The following NASP variants were observed in gnomAD, a reference collection of about 807,000 sequenced individuals.
NASP encodes the protein NASP histone chaperone.
A neutral mutation model predicts 89.5 loss-of-function variants in NASP; 24 were observed. The ratio of observed to expected loss-of-function variants is 0.27; its 90% CI spans 0.19 to 0.38. The LOEUF is 0.38. Among genes scored for constraint, NASP ranks in the 10% least tolerant of loss-of-function variants. The probability of loss-of-function intolerance (pLI) is 1.00; values close to 1 mark genes in which losing one functional copy is unlikely to be tolerated. For missense variants in NASP, 848 were observed against 921.4 expected, an observed-to-expected ratio of 0.92 and a Z score of 1.03; for synonymous variants, 306 against 324.7, an observed-to-expected ratio of 0.94 and a Z score of 0.62.
At position 45,602,265 on chromosome 1, in the gene NASP, G is replaced by A. The variant is rs1413038142; in HGVS notation, c.118G>A (p.Asp40Asn). 1 of 1,613,310 alleles carries A rather than the reference G, an allele frequency of 6.2e-7. No homozygotes were observed. Among genetic ancestry groups the A allele is most frequent in the South Asian group, 1.1e-5 (1 of 91,064 alleles). ...SADKVESLDVDSEAKKLLGLG... is the reference protein window; with the variant it reads ...SADKVESLDVNSEAKKLLGLG... ...ATCTTTTTTTTGCAGTCTGGATGTG[G>A]ATAGTGAAGCTAAGAAACTATTGGG... is the stretch of plus-strand genomic sequence containing the variant. Residue 40 changes from aspartate (D) to asparagine (N), a missense_variant, in exon 3 of 15, where the codon GAT (aspartate) becomes AAT (asparagine). By Grantham distance (23) the Asp-to-Asn change is conservative. Around this residue, in one of 5 missense-constraint regions of NASP, gnomAD observed 89 missense variants for 79.2 expected, o/e 1.12. Transcript: ENST00000350030.
intron 2 of NASP, among the ~76,000 whole-genome samples, chr1:45,595,709 C>T (rs970064840): frequency 6.6e-6 from 1 of 152,202 alleles, no homozygotes; most frequent in Non-Finnish European, 1.5e-5. Context: ...ACAAATAGTA[C>T]TAGCAATTCT....
At chr1:45,584,549 C>T (rs754914263) in intron 1 of NASP, among the ~76,000 whole-genome samples, 5 of 152,208 alleles carry the variant, frequency 3.3e-5, no homozygotes, top group Non-Finnish European at 4.4e-5. Context: ...TTGGCCTTCA[C>T]GCCCCTTCTG....
Position 45,614,381 on chromosome 1 carries a change from A to G in NASP, c.1666+15A>G, listed in dbSNP as rs908816485. 6.3e-7 allele frequency: 1 copy of G among 1,582,000 alleles called. No individual in the cohort carries two copies. Among genetic ancestry groups the G allele is most frequent in the Non-Finnish European group, 8.7e-7 (1 of 1,150,730 alleles). On this transcript the variant is annotated intron_variant, in intron 9 of 14. Coordinates refer to ENST00000350030, the MANE Select transcript of NASP (RefSeq NM_002482.4). ...TGTTGAATCTGGTAATGCATTTTCC[A>G]TTTTATACTCTCCTACTCTCTTCAG...
chr1:45,593,997 C>T (rs1308264424), intron 2 of NASP, among the ~76,000 whole-genome samples: 1 of 151,204 alleles, frequency 6.6e-6, no homozygotes, highest in African/African-American at 2.4e-5. Flanking sequence ...CCACTGCACT[C>T]TAGTCTGGGT....
At chr1:45,599,637 C>G in intron 2 of NASP, among the ~76,000 whole-genome samples, 1 of 150,650 alleles carries the variant, frequency 6.6e-6, no homozygotes, top group Admixed American at 6.6e-5. Context: ...CCATCTTGGC[C>G]AGGCTGGTTT....
chr1:45,609,683 T>G (rs1186788927), intron 6 of NASP: 1 of 152,194 alleles, frequency 6.6e-6, no homozygotes, highest in African/African-American at 2.4e-5. Flanking sequence ...ATAATTAACA[T>G]TGTTAGAACT....
At chr1:45,595,475 C>G (rs566553419) in intron 2 of NASP, among the ~76,000 whole-genome samples, 3 of 152,182 alleles carry the variant, frequency 2.0e-5, no homozygotes, top group South Asian at 4.2e-4. Flanking sequence ...AAATCTGTGC[C>G]CATATAGTCT....
intron 2 of NASP, among the ~76,000 whole-genome samples, chr1:45,598,442 G>C (rs527449182): frequency 6.6e-6 from 1 of 152,006 alleles, no homozygotes; most frequent in Admixed American, 6.6e-5. Flanking sequence ...TCCTTCACTG[G>C]CTATTCCCCT....
intron 1 of NASP, among the ~76,000 whole-genome samples, chr1:45,590,465 C>T (rs1402211825): frequency 6.7e-6 from 1 of 148,744 alleles, no homozygotes; most frequent in African/African-American, 2.5e-5. Context: ...AGGAGAATGG[C>T]GTGAACCCGG....
At chr1:45,613,851 T>A (rs1000133554) in intron 7 of NASP, among the ~76,000 whole-genome samples, 3 of 152,006 alleles carry the variant, frequency 2.0e-5, no homozygotes, top group Admixed American at 1.3e-4. Context: ...TATTCATGCC[T>A]AGGATGGGTG....
chr1:45,587,274 C>T (rs1644566107), intron 1 of NASP, among the ~76,000 whole-genome samples: 1 of 151,800 alleles, frequency 6.6e-6, no homozygotes, highest in Admixed American at 6.6e-5. Context: ...CAACCTCCGC[C>T]CTCCCGGATT....
chr1:45,599,953 A>ATTTTTTTTTTTTTTT (rs11302173), intron 2 of NASP, among the ~76,000 whole-genome samples: 17 of 79,070 alleles, frequency 2.1e-4, no homozygotes, highest in African/African-American at 5.6e-4. Context: ...TTTCCTCTGT[A>ATTTTTTTTTTTTTTT]TTTTTTTTTT....
At chr1:45,615,278 C>T in intron 10 of NASP, 27 bp from the exon 11 acceptor site, 7 of 1,611,066 alleles carry the variant, frequency 4.3e-6, no homozygotes, top group Non-Finnish European at 5.9e-6. Context: ...TTTTTTGAGC[C>T]ATTACTAATC....
chr1:45,615,645 CT>C, intron 11 of NASP, 174 bp downstream of exon 11: 1 of 624,552 alleles, frequency 1.6e-6, no homozygotes, highest in South Asian at 2.1e-5. Context: ...CCCAGACTAT[CT>C]GGGTTTTAAT....
chr1:45,607,998 G>A lies in NASP; in HGVS notation c.1087G>A (p.Val363Ile). 1 of 1,614,086 alleles carries A rather than the reference G, an allele frequency of 6.2e-7. No individual in the cohort carries two copies. Among genetic ancestry groups the A allele is most frequent in the Non-Finnish European group, 8.5e-7 (1 of 1,179,960 alleles). ...CTCAGCTGTAGAGGCTGGATCAGAA[G>A]TCTCTGAAAAGCCTGGGCAGGAGGC... ...EASAVEAGSE[V>I]SEKPGQEAPV... The change falls in exon 6 of 15, where the codon GTC becomes ATC. Residue 363 changes from valine (V) to isoleucine (I), a missense_variant. Val to Ile is a conservative substitution (Grantham distance 29). Coordinates refer to ENST00000350030, the MANE Select transcript of NASP (RefSeq NM_002482.4).
chr1:45,607,304 G>A lies in NASP; in HGVS notation c.410-17G>A. Reference sequence around the variant, plus strand: ...ACTCGAAGACATGTTTATGCTTCATGTTCTTTAACCATGTAGAGGAAGCAA... The same window carrying A: ...ACTCGAAGACATGTTTATGCTTCATATTCTTTAACCATGTAGAGGAAGCAA... On this transcript the variant is annotated splice_polypyrimidine_tract_variant and intron_variant, in intron 5 of 14. Transcript: ENST00000350030. 3.7e-6 allele frequency: 6 copies of A among 1,610,594 alleles called. No individual in the cohort carries two copies. Among genetic ancestry groups the A allele is most frequent in the Non-Finnish European group, 5.1e-6 (6 of 1,178,608 alleles).
At position 45,614,138 on chromosome 1, in the gene NASP, C is replaced by T; in HGVS notation, c.1549C>T (p.Leu517Phe). 1 of 1,612,262 alleles carries T rather than the reference C, an allele frequency of 6.2e-7. No individual in the cohort carries two copies. Among genetic ancestry groups the T allele is most frequent in the Non-Finnish European group, 8.5e-7 (1 of 1,178,302 alleles). ...GGAGGAGGAGATTGGGAACCTAGAG[C>T]TTGCCTGGGATATGCTGGATTTAGC... ...NEEEEIGNLE[L>F]AWDMLDLAKI... The change falls in exon 8 of 15, where the codon CTT becomes TTT. Residue 517 changes from leucine to phenylalanine, a missense_variant. By Grantham distance (22) the Leu-to-Phe change is conservative (BLOSUM62 0). This residue lies in a region of NASP where 60 missense variants were observed against 114.6 expected (regional missense o/e 0.52). Transcript: ENST00000350030.
At chr1:45,588,238 G>A (rs1021314838) in intron 1 of NASP, among the ~76,000 whole-genome samples, 3 of 151,944 alleles carry the variant, frequency 2.0e-5, no homozygotes, top group Non-Finnish European at 4.4e-5. Context: ...CAAGTAGTTG[G>A]GATTACAGGC....
At chr1:45,608,464 G>A (rs1643947850) in intron 6 of NASP, 127 bp downstream of exon 6, 1 of 928,584 alleles carries the variant, frequency 1.1e-6, no homozygotes, top group Admixed American at 2.5e-5. Context: ...AGGGCTAAAT[G>A]AAAAGGGGGG....
Sources: allele counts gnomAD v4.1 joint callset (sites outside exome capture counted in the v4.1 genomes callset), GRCh38; gene constraint gnomAD v4.1.1; regional missense constraint gnomAD v4.1.1; transcripts MANE v1.5; gene names NCBI Gene and HGNC (gene_info 2026-07-23, HGNC 2026-07-21).